The following GRK5 variants were observed in gnomAD, a reference collection of about 807,000 sequenced individuals.
GRK5 encodes g protein-coupled receptor kinase GRK5.
Under a neutral mutation model 78.4 loss-of-function variants are expected in GRK5, and 40 were observed. The ratio of observed to expected loss-of-function variants is 0.51; its 90% CI spans 0.40 to 0.66. The LOEUF (loss-of-function observed/expected upper bound fraction) is 0.66, where lower values mean the gene tolerates loss of function less well. Among genes scored for constraint, GRK5 ranks in the 30% least tolerant of loss-of-function variants. GRK5 has a pLI of 0.00. For missense variants in GRK5, 598 were observed against 759.9 expected (o/e 0.79, Z 2.50); for synonymous variants, 289 against 296.8 (o/e 0.97, Z 0.27).
chr10:119,312,848 A>G (rs1473300835), intron 1 of GRK5, among the ~76,000 whole-genome samples: 1 of 70,882 alleles, frequency 1.4e-5, no homozygotes, highest in Non-Finnish European at 3.1e-5. Context: ...CAGAGGACCT[A>G]GTCTTGAGAC....
At position 119,431,606 on chromosome 10, in the gene GRK5, C is replaced by T; in HGVS notation, c.738+79C>T. On this transcript the variant is annotated intron_variant, in intron 8 of 15. Coordinates refer to ENST00000392870, the MANE Select transcript of GRK5 (RefSeq NM_005308.3). The surrounding 1 kb of genome is among the most constrained non-coding windows in gnomAD (Gnocchi z 4.8). ...TCCCTCCCTCCGGAAGGGCGTGGTC[C>T]TCTAATGCGGCCGGTCCCCACCCCT... 6.6e-7 allele frequency: 1 copy of T among 1,520,882 alleles called. No individual in the cohort carries two copies. Among genetic ancestry groups the T allele is most frequent in the Non-Finnish European group, 8.9e-7 (1 of 1,126,080 alleles). 94.2% of individuals were successfully genotyped at this position (1,520,882 alleles called of 1,614,324 possible). A position where few individuals can be genotyped will look rare whatever the true frequency, so the allele number is the denominator to read the frequency against.
Position 119,425,008 on chromosome 10 carries a change from C to A in GRK5, c.456C>A (p.Tyr152Ter). ...FSACAQSVHEYLRGEPFHEYL... is the reference protein window; with the variant it reads ...FSACAQSVHE ...TCTGCACTAGGTCTGTCCACGAGTACCTGAGGGGAGAACCATTCCACGAAT... is the reference window on the plus strand; with the variant it reads ...TCTGCACTAGGTCTGTCCACGAGTAACTGAGGGGAGAACCATTCCACGAAT... Residue 152 changes from tyrosine (Y) to a stop codon, truncating the protein, a stop_gained, in exon 6 of 16, where the codon TAC (tyrosine) becomes TAA (stop). Coordinates refer to ENST00000392870, the MANE Select transcript of GRK5 (RefSeq NM_005308.3). LOFTEE classifies it high-confidence loss of function. 1 of 1,612,462 alleles carries A rather than the reference C, an allele frequency of 6.2e-7. No individual in the cohort carries two copies. The highest frequency in any genetic ancestry group is 1.6e-4 in the Middle Eastern group (1 of 6,062).
intron 3 of GRK5, among the ~76,000 whole-genome samples, chr10:119,394,197 G>GT (rs1851946184): frequency 1.1e-4 from 3 of 26,444 alleles, no homozygotes; most frequent in East Asian, 5.5e-4. Flanking sequence ...TGTGTATGGG[G>GT]GTGTGTATCT....
At chr10:119,350,697 G>A (rs1468846754) in intron 2 of GRK5, among the ~76,000 whole-genome samples, 1 of 152,206 alleles carries the variant, frequency 6.6e-6, no homozygotes, top group Non-Finnish European at 1.5e-5. Flanking sequence ...TTCAGATCTT[G>A]CCAGGCTGCC....
intron 11 of GRK5, among the ~76,000 whole-genome samples, chr10:119,442,840 A>T (rs901372793): frequency 2.6e-5 from 4 of 151,798 alleles, no homozygotes; most frequent in Non-Finnish European, 5.9e-5. Context: ...TGTGTATGTG[A>T]GTGTGTGTGT....
At chr10:119,310,154 G>A (rs185750305) in intron 1 of GRK5, among the ~76,000 whole-genome samples, 2 of 152,342 alleles carry the variant, frequency 1.3e-5, no homozygotes, top group East Asian at 3.9e-4. Context: ...CTTTGAAATA[G>A]GGGATGCAAA....
At chr10:119,266,674 G>A (rs1192781496) in intron 1 of GRK5, among the ~76,000 whole-genome samples, 3 of 144,384 alleles carry the variant, frequency 2.1e-5, no homozygotes, top group Non-Finnish European at 4.5e-5. Flanking sequence ...TCTTCATGGA[G>A]TCAAGGAGGC....
At chr10:119,405,313 C>T (rs914507391) in intron 4 of GRK5, among the ~76,000 whole-genome samples, 4 of 152,132 alleles carry the variant, frequency 2.6e-5, no homozygotes, top group Admixed American at 2.6e-4. Context: ...CAAAGGTCTG[C>T]AGGCAGGATA....
chr10:119,392,806 G>GAGGTCACGAGGGCACTCT (rs1356901424), intron 3 of GRK5, among the ~76,000 whole-genome samples: 1 of 152,198 alleles, frequency 6.6e-6, no homozygotes, highest in African/African-American at 2.4e-5. Flanking sequence ...CTTGCAGATG[G>GAGGTCACGAGGGCACTCT]AGGTCACGAG....
chr10:119,443,343 G>C (rs17098898), intron 11 of GRK5, among the ~76,000 whole-genome samples: 1 of 152,214 alleles, frequency 6.6e-6, no homozygotes, highest in Non-Finnish European at 1.5e-5. Context: ...CATCCACGGT[G>C]GTCAGAGTTC....
intron 1 of GRK5, among the ~76,000 whole-genome samples, chr10:119,233,187 C>T (rs947902789): frequency 2.0e-5 from 3 of 152,132 alleles, no homozygotes; most frequent in Non-Finnish European, 4.4e-5. Context: ...GTTTTTCTGG[C>T]CCACATCTAC....
intron 1 of GRK5, among the ~76,000 whole-genome samples, chr10:119,256,112 C>G (rs922456058): frequency 1.3e-5 from 2 of 152,064 alleles, no homozygotes; most frequent in Non-Finnish European, 2.9e-5. Flanking sequence ...ATTGACAGTC[C>G]TCTGTCAGGA....
chr10:119,269,905 G>A (rs527443699), intron 1 of GRK5, among the ~76,000 whole-genome samples: 1 of 152,010 alleles, frequency 6.6e-6, no homozygotes, highest in East Asian at 1.9e-4. Flanking sequence ...CCTTGGAGGG[G>A]GCCAGCCAGC....
At chr10:119,388,422 C>T (rs1469014402) in intron 3 of GRK5, among the ~76,000 whole-genome samples, 1 of 152,226 alleles carries the variant, frequency 6.6e-6, no homozygotes, top group Non-Finnish European at 1.5e-5. Flanking sequence ...CTGTAACCTC[C>T]ACCTCCTGGG....
intron 9 of GRK5, among the ~76,000 whole-genome samples, chr10:119,438,348 C>T (rs1330280365): frequency 1.3e-5 from 2 of 152,144 alleles, no homozygotes; most frequent in African/African-American, 4.8e-5. Context: ...AAACTGCGGA[C>T]AGGAGGGAAC....
At chr10:119,215,873 G>T (rs1051066016) in intron 1 of GRK5, among the ~76,000 whole-genome samples, 2 of 152,106 alleles carry the variant, frequency 1.3e-5, no homozygotes, top group African/African-American at 4.8e-5. Flanking sequence ...AGAAAGAATA[G>T]AAAGAAACCT....
chr10:119,231,917 A>G (rs1421709150), intron 1 of GRK5, among the ~76,000 whole-genome samples: 2 of 152,194 alleles, frequency 1.3e-5, no homozygotes, highest in African/African-American at 4.8e-5. Context: ...GGAGAACAGT[A>G]TGGAGGTTCC....
At position 119,445,455 on chromosome 10, in the gene GRK5, G is replaced by A. The variant is rs1207399016; in HGVS notation, c.1266+1703G>A. ...CCCCAGACCCCAGACACCCACCTTG[G>A]CCCCTGGCTTTGGAGCTGGGATCTC... On this transcript the variant is annotated intron_variant, in intron 12 of 15. Coordinates refer to ENST00000392870, the MANE Select transcript of GRK5 (RefSeq NM_005308.3). This position sits in a 1 kb window ranked among gnomAD's most constrained non-coding sequence, Gnocchi z 4.1. Among the ~76,000 whole-genome samples the A allele has an allele frequency of 2.0e-5, 3 of 152,020 alleles. No homozygotes were observed. Among genetic ancestry groups the A allele is most frequent in the Non-Finnish European group, 2.9e-5 (2 of 67,990 alleles).
chr10:119,358,622 T>G (rs1337485740), intron 2 of GRK5, among the ~76,000 whole-genome samples: 2 of 152,128 alleles, frequency 1.3e-5, no homozygotes, highest in African/African-American at 4.8e-5. Context: ...AGCAGCCCCA[T>G]TTTAGAGACC....
Sources: allele counts gnomAD v4.1 joint callset (sites outside exome capture counted in the v4.1 genomes callset), GRCh38; gene constraint gnomAD v4.1.1; non-coding constraint Gnocchi (gnomAD v3.1); transcripts MANE v1.5; gene names NCBI Gene and HGNC (gene_info 2026-07-23, HGNC 2026-07-21).